Variants in SORCS2 observed in about 807,000 individuals in gnomAD.
The protein encoded by SORCS2 is sortilin related VPS10 domain containing receptor 2.
SORCS2 carries 100 observed loss-of-function variants against 141.6 expected under a neutral mutation model. The observed-to-expected ratio is 0.71, with a 90% CI of 0.60 to 0.83. The LOEUF (loss-of-function observed/expected upper bound fraction) is 0.83, where lower values mean the gene tolerates loss of function less well. Among genes scored for constraint, SORCS2 ranks in the 40% least tolerant of loss-of-function variants. The pLI is 0.00. For missense variants in SORCS2, 1,646 were observed against 1,560.2 expected (o/e 1.05, Z -0.93); for synonymous variants, 789 against 676.9 (o/e 1.17, Z -2.57).
intron 11 of SORCS2, among the ~76,000 whole-genome samples, chr4:7,690,211 A>T (rs1724142781): frequency 6.7e-6 from 1 of 150,082 alleles, no homozygotes; most frequent in South Asian, 2.1e-4. Context: ...GGATGAAAGG[A>T]TGAGTGGGTG....
Position 7,434,101 on chromosome 4 carries a change from G to A in SORCS2, c.548+37746G>A, listed in dbSNP as rs1237937291. On this transcript the variant is annotated intron_variant, in intron 2 of 26. Transcript: ENST00000507866. Reference sequence around the variant, plus strand: ...GGCCACTACTTGAGTCAAACGGGCAGGTGCCCCTAGCTCCTCACAGAATCC... The same window carrying A: ...GGCCACTACTTGAGTCAAACGGGCAAGTGCCCCTAGCTCCTCACAGAATCC... 4 of 1,611,724 alleles carry A rather than the reference G, an allele frequency of 2.5e-6. No homozygotes were observed. The Admixed American group carries it at 5.0e-5, about 20-fold the overall frequency.
At chr4:7,260,385 C>T (rs1483089485) in intron 1 of SORCS2, among the ~76,000 whole-genome samples, 1 of 152,164 alleles carries the variant, frequency 6.6e-6, no homozygotes, top group South Asian at 2.1e-4. Flanking sequence ...CCTCCCACCT[C>T]CCCCCTCCCA....
chr4:7,628,746 G>A (rs1371363331), intron 3 of SORCS2, among the ~76,000 whole-genome samples: 4 of 151,928 alleles, frequency 2.6e-5, no homozygotes, highest in Non-Finnish European at 5.9e-5. Flanking sequence ...CCCGCGGTGG[G>A]AGCTGCACTT....
intron 1 of SORCS2, among the ~76,000 whole-genome samples, chr4:7,326,791 G>T (rs1030420723): frequency 6.6e-6 from 1 of 151,056 alleles, no homozygotes; most frequent in Non-Finnish European, 1.5e-5. Context: ...CCAAGCTTCC[G>T]CAGGCCCAGT....
At chr4:7,651,170 G>A (rs780201738) in intron 4 of SORCS2, among the ~76,000 whole-genome samples, 4 of 152,164 alleles carry the variant, frequency 2.6e-5, no homozygotes, top group Admixed American at 2.0e-4. Context: ...GAGAGGCAAG[G>A]GAAAAGGGAC....
intron 18 of SORCS2, among the ~76,000 whole-genome samples, chr4:7,722,249 G>T (rs1316951517): frequency 6.6e-6 from 1 of 152,074 alleles, no homozygotes; most frequent in Admixed American, 6.5e-5. Context: ...ACTTCCCTCC[G>T]TGGAAGCAGC....
intron 8 of SORCS2, among the ~76,000 whole-genome samples, chr4:7,669,122 G>A (rs987308511): frequency 6.6e-6 from 1 of 152,206 alleles, no homozygotes; most frequent in African/African-American, 2.4e-5. Flanking sequence ...TTGACAGTGT[G>A]CATTTTACAC....
intron 3 of SORCS2, among the ~76,000 whole-genome samples, chr4:7,566,250 G>T (rs1275350117): frequency 6.7e-6 from 1 of 149,864 alleles, no homozygotes; most frequent in East Asian, 1.9e-4. Flanking sequence ...AATGGTGATG[G>T]TGATGATAGT....
intron 9 of SORCS2, among the ~76,000 whole-genome samples, chr4:7,682,332 G>A (rs1373049937): frequency 2.6e-5 from 4 of 152,152 alleles, no homozygotes; most frequent in African/African-American, 9.7e-5. Flanking sequence ...GGTCCAGGAT[G>A]TGTGGTCCAA....
At chr4:7,525,455 C>T (rs929016982) in intron 2 of SORCS2, among the ~76,000 whole-genome samples, 1 of 152,050 alleles carries the variant, frequency 6.6e-6, no homozygotes, top group African/African-American at 2.4e-5. Flanking sequence ...CCCAGACCCC[C>T]CAACCGTGCT....
At chr4:7,195,814 T>C (rs1560449397) in intron 1 of SORCS2, among the ~76,000 whole-genome samples, 1 of 152,228 alleles carries the variant, frequency 6.6e-6, no homozygotes, top group Non-Finnish European at 1.5e-5. Flanking sequence ...CTTTGAAAGC[T>C]ACAACCAGAC....
At position 7,459,211 on chromosome 4, in the gene SORCS2, C is replaced by T. The variant is rs75178061; in HGVS notation, c.548+62856C>T. 9.1e-3 allele frequency among the ~76,000 whole-genome samples: 1,390 copies of T among 152,192 alleles called. 62 individuals are homozygous for T. Among genetic ancestry groups the T allele is most frequent in the East Asian group, 0.062 (319 of 5,162 alleles). On this transcript the variant is annotated intron_variant, in intron 2 of 26. Coordinates refer to ENST00000507866, the MANE Select transcript of SORCS2 (RefSeq NM_020777.3). Reference sequence around the variant, plus strand: ...TCCCTGCCCCACCATGGGACGCTGGCGAGTCTCTCCACCCTTCTCCGAGTC... The same window carrying T: ...TCCCTGCCCCACCATGGGACGCTGGTGAGTCTCTCCACCCTTCTCCGAGTC...
intron 1 of SORCS2, among the ~76,000 whole-genome samples, chr4:7,374,166 T>TCTTC (rs1722473107): frequency 4.8e-5 from 7 of 146,544 alleles, no homozygotes; most frequent in African/African-American, 1.8e-4. Context: ...TTTCTTTCTT[T>TCTTC]CTTTCTTTCT....
chr4:7,396,530 A>T (rs1724226459), intron 2 of SORCS2, among the ~76,000 whole-genome samples, 175 bp downstream of exon 2: 1 of 152,238 alleles, frequency 6.6e-6, no homozygotes, highest in South Asian at 2.1e-4. Flanking sequence ...GTAGCTTAAC[A>T]GTTTGGGCAG....
intron 1 of SORCS2, among the ~76,000 whole-genome samples, chr4:7,203,978 C>G (rs1413625654): frequency 1.3e-5 from 2 of 152,154 alleles, no homozygotes; most frequent in African/African-American, 4.8e-5. Flanking sequence ...CAGGCTGTAG[C>G]AGGTGCCAGA....
intron 1 of SORCS2, among the ~76,000 whole-genome samples, chr4:7,331,454 C>T (rs28446774): frequency 0.055 from 8,425 of 152,148 alleles, 609 homozygotes; most frequent in African/African-American, 0.18. Context: ...ACAGTACCCA[C>T]GCGGGAAGGA....
At chr4:7,405,070 T>C (rs908373281) in intron 2 of SORCS2, among the ~76,000 whole-genome samples, 1 of 152,170 alleles carries the variant, frequency 6.6e-6, no homozygotes, top group African/African-American at 2.4e-5. Context: ...TTCTTCTGCA[T>C]AGGACAATTC....
rs117832742 is a variant in SORCS2, at chr4:7,480,891, G to A, written c.549-50639G>A. 9.8e-5 allele frequency among the ~76,000 whole-genome samples: 15 copies of A among 152,368 alleles called. No homozygotes were observed. The East Asian group carries it at 1.4e-3, about 14-fold the overall frequency. ...TTCACAGTCTTGATATTTCATTGAC[G>A]AAATGAGTGTTCCCTTTTCTGGAGA... On this transcript the variant is annotated intron_variant, in intron 2 of 26. Transcript: ENST00000507866.
At chr4:7,527,159 C>T (rs529816848) in intron 2 of SORCS2, among the ~76,000 whole-genome samples, 1 of 152,324 alleles carries the variant, frequency 6.6e-6, no homozygotes, top group African/African-American at 2.4e-5. Context: ...CACGTGGGGA[C>T]ACTGCTCCCG....
Sources: gnomAD v4.1 joint callset for allele counts (sites outside exome capture counted in the v4.1 genomes callset) on GRCh38, gnomAD v4.1.1 for gene constraint, MANE v1.5 for transcripts, NCBI Gene and HGNC (gene_info 2026-07-23, HGNC 2026-07-21) for gene names.